Variants in IL1RAPL2 observed in about 807,000 individuals in gnomAD.
IL1RAPL2 encodes interleukin 1 receptor accessory protein like 2.
In IL1RAPL2, 3 loss-of-function variants were observed where a neutral mutation model predicts 44.1. The observed-to-expected ratio is 0.07, with a 90% confidence interval of 0.03 to 0.18. The LOEUF (loss-of-function observed/expected upper bound fraction) is 0.18, where lower values mean the gene tolerates loss of function less well. IL1RAPL2 is among the 10% of genes least tolerant of loss of function. The probability of loss-of-function intolerance (pLI) is 1.00; values close to 1 mark genes in which losing one functional copy is unlikely to be tolerated. For missense variants in IL1RAPL2, 391 were observed against 496.4 expected (o/e 0.79, Z 2.02); for synonymous variants, 181 against 178.8 (o/e 1.01, Z -0.10).
rs757932546 is a variant in IL1RAPL2 at position 104,580,535 on chromosome X, C to T, written c.-20+13484C>T. On this transcript the variant is annotated intron_variant, in intron 1 of 10. Transcript: ENST00000372582. ...ATGGCACCTCAGGCAACCTGAAATA[C>T]TGAAGGCAACATAAGATTGTCAGAC... Among the ~76,000 whole-genome samples, 3 of 112,335 alleles carry T rather than the reference C, an allele frequency of 2.7e-5. No homozygotes were observed. The East Asian group carries it at 8.4e-4, about 32-fold the overall frequency.
chrX:104,778,447 C>G (rs5962981), intron 2 of IL1RAPL2, among the ~76,000 whole-genome samples: 39,442 of 107,352 alleles, frequency 0.37, 5,818 homozygotes, highest in East Asian at 0.46. Flanking sequence ...GTAGTCCCAG[C>G]TACTAGGGAG....
intron 5 of IL1RAPL2, among the ~76,000 whole-genome samples, chrX:105,315,578 G>GTATATATATATATATATATATATA (rs771525814): frequency 0.021 from 465 of 21,766 alleles, 114 homozygotes; most frequent in Non-Finnish European, 0.039. Context: ...ACTAATGGAT[G>GTATATATATATATATATATATATA]TATATATATA....
chrX:105,665,021 A>G (rs970193707), intron 6 of IL1RAPL2, among the ~76,000 whole-genome samples: 1 of 112,369 alleles, frequency 8.9e-6, no homozygotes, highest in African/African-American at 3.2e-5. Context: ...TTAAATTATC[A>G]GAATACAGTA....
intron 3 of IL1RAPL2, chrX:105,219,122 G>A (rs374579328): frequency 3.2e-5 from 39 of 1,208,897 alleles, no homozygotes; most frequent in Non-Finnish European, 4.2e-5. Flanking sequence ...CTGTCTCTTG[G>A]GTGCTCCTGA....
At chrX:105,496,388 T>C (rs142740434) in intron 6 of IL1RAPL2, among the ~76,000 whole-genome samples, 2,018 of 112,508 alleles carry the variant, frequency 0.018, 51 homozygotes, top group African/African-American at 0.062. Flanking sequence ...TGATTCTTTG[T>C]GTTGACACTC....
At chrX:105,497,401 C>G (rs918878477) in intron 6 of IL1RAPL2, among the ~76,000 whole-genome samples, 4 of 110,936 alleles carry the variant, frequency 3.6e-5, no homozygotes, top group Non-Finnish European at 7.6e-5. Flanking sequence ...ATAAAACCCC[C>G]CAACAAAGAA....
Position 105,204,637 on chromosome X carries a change from C to G in IL1RAPL2, c.356+8889C>G, listed in dbSNP as rs139408955. ...TGAACTAGCTAGGACTCTTCTATACCTAACACTGTGGTGCAATCTTCTATA... is the reference window on the plus strand; with the variant it reads ...TGAACTAGCTAGGACTCTTCTATACGTAACACTGTGGTGCAATCTTCTATA... On this transcript the variant is annotated intron_variant, in intron 3 of 10. Coordinates refer to ENST00000372582, the MANE Select transcript of IL1RAPL2 (RefSeq NM_017416.2). 4.2e-3 allele frequency among the ~76,000 whole-genome samples: 469 copies of G among 112,133 alleles called. 5 individuals carry two copies. The highest frequency in any genetic ancestry group is 0.015 in the African/African-American group (453 of 30,959).
intron 2 of IL1RAPL2, among the ~76,000 whole-genome samples, chrX:104,670,317 A>G (rs868304355): frequency 3.6e-5 from 4 of 111,574 alleles, no homozygotes; most frequent in African/African-American, 1.3e-4. Flanking sequence ...GCATCCAGCA[A>G]GGGAAAAAGA....
chrX:105,468,938 C>T (rs1386922077), intron 5 of IL1RAPL2, among the ~76,000 whole-genome samples: 2 of 111,711 alleles, frequency 1.8e-5, no homozygotes, highest in African/African-American at 6.5e-5. Context: ...AACCAGATTA[C>T]ATTTAATAGG....
intron 4 of IL1RAPL2, among the ~76,000 whole-genome samples, chrX:105,236,001 T>C (rs1428145971): frequency 8.9e-6 from 1 of 112,337 alleles, no homozygotes; most frequent in Non-Finnish European, 1.9e-5. Context: ...CCAGCCTTGG[T>C]CATATCTTGG....
intron 6 of IL1RAPL2, among the ~76,000 whole-genome samples, chrX:105,636,964 C>T (rs2037528260): frequency 9.0e-6 from 1 of 111,327 alleles, no homozygotes; most frequent in African/African-American, 3.3e-5. Context: ...ACATCAAGGT[C>T]ACTGAGCCAA....
intron 1 of IL1RAPL2, among the ~76,000 whole-genome samples, chrX:104,610,023 G>T (rs1360098460): frequency 9.0e-6 from 1 of 111,575 alleles, no homozygotes; most frequent in African/African-American, 3.3e-5. Context: ...GGTGACCTAC[G>T]GATGGAGTTT....
At chrX:104,916,545 T>A (rs1031796426) in intron 2 of IL1RAPL2, among the ~76,000 whole-genome samples, 1 of 111,512 alleles carries the variant, frequency 9.0e-6, no homozygotes, top group African/African-American at 3.3e-5. Context: ...CTTTTCCTAA[T>A]TGAATACCCT....
intron 6 of IL1RAPL2, among the ~76,000 whole-genome samples, chrX:105,674,707 G>A (rs1241977126): frequency 1.8e-5 from 2 of 111,649 alleles, no homozygotes; most frequent in Non-Finnish European, 3.8e-5. Flanking sequence ...AATGTCAATG[G>A]TAGTTTAATG....
At chrX:104,747,890 C>G in intron 2 of IL1RAPL2, among the ~76,000 whole-genome samples, 1 of 111,728 alleles carries the variant, frequency 9.0e-6, no homozygotes, top group Non-Finnish European at 1.9e-5. Context: ...CAAACTTCAG[C>G]AGGCCCTGAG....
intron 2 of IL1RAPL2, among the ~76,000 whole-genome samples, chrX:104,701,957 A>G (rs1931281766): frequency 8.9e-6 from 1 of 111,865 alleles, no homozygotes; most frequent in Non-Finnish European, 1.9e-5. Flanking sequence ...GAAAACATTC[A>G]GGCTGCAAAT....
At chrX:104,972,092 T>C (rs1322009871) in intron 2 of IL1RAPL2, among the ~76,000 whole-genome samples, 1 of 111,699 alleles carries the variant, frequency 9.0e-6, no homozygotes, top group African/African-American at 3.3e-5. Flanking sequence ...TCTTCCCCTG[T>C]TCCAATGGGG....
intron 2 of IL1RAPL2, among the ~76,000 whole-genome samples, chrX:105,063,319 T>C (rs1017306007): frequency 2.7e-5 from 3 of 112,820 alleles, no homozygotes; most frequent in Non-Finnish European, 5.6e-5. Context: ...CTCTGTGTTA[T>C]TGTGAATTTC....
chrX:105,395,869 C>A (rs2147732646), intron 5 of IL1RAPL2, among the ~76,000 whole-genome samples: 1 of 111,906 alleles, frequency 8.9e-6, no homozygotes, highest in East Asian at 2.8e-4. Context: ...AATGCAAATT[C>A]TAAAGTTCAA....
Sources: allele counts gnomAD v4.1 joint callset (sites outside exome capture counted in the v4.1 genomes callset), GRCh38; gene constraint gnomAD v4.1.1; transcripts MANE v1.5; gene names NCBI Gene and HGNC (gene_info 2026-07-23, HGNC 2026-07-21).